PFKFB4: variants seen among roughly 807,000 people sequenced by gnomAD.
PFKFB4 encodes 6-phosphofructo-2-kinase/fructose-2,6-biphosphatase 4, also known as 6-phosphofructo-2-kinase/fructose-2,6-bisphosphatase 4.
Under a neutral mutation model 62.8 loss-of-function variants are expected in PFKFB4, and 42 were observed. That is an observed-to-expected ratio of 0.67 (90% CI 0.52 to 0.86). The LOEUF is 0.86. Among genes scored for constraint, PFKFB4 ranks in the 40% least tolerant of loss-of-function variants. PFKFB4 has a pLI of 0.00. For missense variants in PFKFB4, 475 were observed against 627.2 expected, an observed-to-expected ratio of 0.76 and a Z score of 2.59; for synonymous variants, 204 against 240.7, an observed-to-expected ratio of 0.85 and a Z score of 1.41.
chr3:48,561,208 C>G, upstream of PFKFB4: 1 of 629,786 alleles, frequency 1.6e-6, no homozygotes, highest in Non-Finnish European at 2.3e-6. This position sits in a 1 kb window ranked among gnomAD's most constrained non-coding sequence, Gnocchi z 5.2. Context: ...GCGACTCCTG[C>G]GGCTCCTGCA....
intron 1 of PFKFB4, among the ~76,000 whole-genome samples, chr3:48,552,180 C>T (rs754947078): frequency 6.6e-6 from 1 of 152,176 alleles, no homozygotes; most frequent in Admixed American, 6.5e-5. Context: ...GGCAGTCATC[C>T]CTCAGAGAAG....
rs748645424 is a variant in PFKFB4 at position 48,556,802 on chromosome 3, G to C, written c.-25C>G. 1 of 1,587,964 alleles carries C rather than the reference G, an allele frequency of 6.3e-7. No homozygotes were observed. Among genetic ancestry groups the C allele is most frequent in the Non-Finnish European group, 8.6e-7 (1 of 1,168,726 alleles). On this transcript the variant is annotated 5_prime_UTR_variant, in exon 1 of 14. Coordinates refer to ENST00000232375, the MANE Select transcript of PFKFB4 (RefSeq NM_004567.4). The surrounding 1 kb of genome is among the most constrained non-coding windows in gnomAD (Gnocchi z 5.7). ...TCCCGGGGCCGGGATGAGTCGGACT[G>C]CGCCGCTTCCAACCCAGCAGCCGGG...
At chr3:48,523,043 G>A (rs2042146713) in intron 12 of PFKFB4, among the ~76,000 whole-genome samples, 2 of 151,068 alleles carry the variant, frequency 1.3e-5, no homozygotes, top group South Asian at 2.1e-4. Flanking sequence ...TTACAGGCAT[G>A]AGCCACCGCA....
At chr3:48,557,412 C>T (rs528503903), upstream of PFKFB4, among the ~76,000 whole-genome samples, 80 of 152,242 alleles carry the variant, frequency 5.3e-4, no homozygotes, top group Non-Finnish European at 8.5e-4. Context: ...CCCCGGGACT[C>T]TTCCGCCGTC....
At chr3:48,544,478 C>T (rs1305269311) in intron 3 of PFKFB4, among the ~76,000 whole-genome samples, 1 of 133,520 alleles carries the variant, frequency 7.5e-6, no homozygotes, top group Non-Finnish European at 1.5e-5. Flanking sequence ...GATAAGGTCT[C>T]GCTCTGCCAC....
At position 48,525,557 on chromosome 3, in the gene PFKFB4, C is replaced by A; in HGVS notation, c.1092+8G>T. ...GGTGGCTGGGACTAAGCCCCAAATCCCACCTACCTCCCCTTTAGGGTACCG... is the reference window on the plus strand; with the variant it reads ...GGTGGCTGGGACTAAGCCCCAAATCACACCTACCTCCCCTTTAGGGTACCG... On this transcript the variant is annotated splice_region_variant and intron_variant, in intron 10 of 13. Coordinates refer to ENST00000232375, the MANE Select transcript of PFKFB4 (RefSeq NM_004567.4). The A allele has an allele frequency of 6.6e-7, 1 of 1,521,166 alleles. No homozygotes were observed. Among genetic ancestry groups the A allele is most frequent in the South Asian group, 1.2e-5 (1 of 85,222 alleles). 94.2% of individuals were successfully genotyped at this position (1,521,166 alleles called of 1,614,324 possible).
intron 9 of PFKFB4, among the ~76,000 whole-genome samples, chr3:48,528,639 G>T (rs1483599765): frequency 6.6e-6 from 1 of 152,166 alleles, no homozygotes; most frequent in Non-Finnish European, 1.5e-5. Flanking sequence ...CTCAGCCTGG[G>T]CAACAAAGCA....
At chr3:48,533,145 G>A (rs1356227407) in intron 9 of PFKFB4, among the ~76,000 whole-genome samples, 3 of 152,124 alleles carry the variant, frequency 2.0e-5, no homozygotes, top group African/African-American at 7.2e-5. Context: ...AAACTCATGG[G>A]CTCAAGCAAT....
chr3:48,557,816 C>A (rs1247010036), upstream of PFKFB4, among the ~76,000 whole-genome samples: 3 of 152,172 alleles, frequency 2.0e-5, no homozygotes, highest in African/African-American at 7.2e-5. Flanking sequence ...GGATTACAGG[C>A]GTGAGCCACC....
chr3:48,531,526 C>T (rs577676916), intron 9 of PFKFB4, among the ~76,000 whole-genome samples: 1 of 151,192 alleles, frequency 6.6e-6, no homozygotes, highest in Non-Finnish European at 1.5e-5. Context: ...CCACAACCTC[C>T]GCCTCCCAGG....
chr3:48,556,574 T>G lies in PFKFB4; in HGVS notation c.97+107A>C. ...TCACGGCAACCTCACCTGTCCCCGG[T>G]TCCCCATCTGTCTCCCGCCCCTTCT... is the stretch of plus-strand genomic sequence containing the variant. On this transcript the variant is annotated intron_variant, in intron 1 of 13. Coordinates refer to ENST00000232375, the MANE Select transcript of PFKFB4 (RefSeq NM_004567.4). This position sits in a 1 kb window ranked among gnomAD's most constrained non-coding sequence, Gnocchi z 5.7. The G allele has an allele frequency of 1.5e-6, 2 of 1,311,150 alleles. No homozygotes were observed. Among genetic ancestry groups the G allele is most frequent in the Non-Finnish European group, 2.1e-6 (2 of 966,228 alleles). 81.2% of individuals were successfully genotyped at this position (1,311,150 alleles called of 1,614,324 possible). A position where few individuals can be genotyped will look rare whatever the true frequency, so the allele number is the denominator to read the frequency against.
At chr3:48,537,054 G>A (rs1288484187) in intron 7 of PFKFB4, among the ~76,000 whole-genome samples, 2 of 152,202 alleles carry the variant, frequency 1.3e-5, no homozygotes, top group Admixed American at 6.5e-5. Flanking sequence ...GATGGTGCTG[G>A]TGGTGGCAGC....
chr3:48,539,203 G>C (rs1312087963), intron 6 of PFKFB4, 51 bp downstream of exon 6: 1 of 1,407,098 alleles, frequency 7.1e-7, no homozygotes, highest in Non-Finnish European at 1.0e-6. Flanking sequence ...ACCTGAAAAG[G>C]GATGTCCCTG....
chr3:48,530,499 C>T (rs555980569), intron 9 of PFKFB4, among the ~76,000 whole-genome samples: 1 of 152,154 alleles, frequency 6.6e-6, no homozygotes, highest in South Asian at 2.1e-4. Context: ...GGAATAAAAA[C>T]ATTGCCTACC....
chr3:48,550,651 A>T (rs1575399112), intron 1 of PFKFB4, among the ~76,000 whole-genome samples: 1 of 151,518 alleles, frequency 6.6e-6, no homozygotes, highest in African/African-American at 2.4e-5. Context: ...CATCTCTCCC[A>T]CCCCATCCAT....
intron 3 of PFKFB4, among the ~76,000 whole-genome samples, chr3:48,547,443 G>C (rs2043000019): frequency 6.6e-6 from 1 of 152,078 alleles, no homozygotes; most frequent in African/African-American, 2.4e-5. Flanking sequence ...GAGTATGAGT[G>C]TGCCTGTTTA....
At chr3:48,563,126 G>A (rs142687169), upstream of PFKFB4, 12 of 1,606,508 alleles carry the variant, frequency 7.5e-6, no homozygotes, top group South Asian at 3.4e-5. This position sits in a 1 kb window ranked among gnomAD's most constrained non-coding sequence, Gnocchi z 4.5. Context: ...CCTGGTCATC[G>A]TGAGGTCAGG....
At chr3:48,538,674 C>A in intron 6 of PFKFB4, 55 bp from the exon 7 acceptor site, 1 of 1,610,494 alleles carries the variant, frequency 6.2e-7, no homozygotes, top group Non-Finnish European at 8.5e-7. Context: ...CCAGGCGGGG[C>A]CAGAGACCAA....
At chr3:48,536,163 A>G in intron 8 of PFKFB4, 93 bp downstream of exon 8, 1 of 1,040,790 alleles carries the variant, frequency 9.6e-7, no homozygotes, top group Non-Finnish European at 1.4e-6. Context: ...AAAGAATGGG[A>G]GCCTAGCCCC....
Sources: gnomAD v4.1 joint callset for allele counts (sites outside exome capture counted in the v4.1 genomes callset) on GRCh38, gnomAD v4.1.1 for gene constraint, Gnocchi (gnomAD v3.1) non-coding constraint, MANE v1.5 for transcripts, NCBI Gene and HGNC (gene_info 2026-07-23, HGNC 2026-07-21) for gene names.